Variants in KAZN observed in about 807,000 individuals in gnomAD.
KAZN encodes the protein kazrin.
A neutral mutation model predicts 87.4 loss-of-function variants in KAZN; 40 were observed. The observed-to-expected ratio is 0.46, with a 90% confidence interval of 0.36 to 0.60. The LOEUF is 0.60. KAZN is among the 20% of genes least tolerant of loss of function. The pLI is 0.00. For synonymous variants in KAZN, 466 were observed against 458.3 expected, an observed-to-expected ratio of 1.02 and a Z score of -0.22; for missense variants, 898 against 1,073.9, an observed-to-expected ratio of 0.84 and a Z score of 2.29.
intron 2 of KAZN, among the ~76,000 whole-genome samples, chr1:14,313,257 C>T (rs1655430070): frequency 6.6e-6 from 1 of 152,112 alleles, no homozygotes; most frequent in Non-Finnish European, 1.5e-5. Flanking sequence ...CTCTTGACAT[C>T]TAACATCATA....
In KAZN at chr1:14,502,156, C is replaced by T. The variant is rs572813528; in HGVS notation, c.250-96827C>T. On this transcript the variant is annotated intron_variant, in intron 2 of 16. Coordinates refer to the KAZN transcript ENST00000636203. ...ATAAAGCTGTTTTTTTTTTAATGTC[C>T]CCTGAGAGCCACTGCCAGGAATGCC... Among the ~76,000 whole-genome samples the T allele has an allele frequency of 9.1e-4, 138 of 151,588 alleles. No individual in the cohort carries two copies. The Middle Eastern group carries it at 0.014, about 15-fold the overall frequency.
intron 4 of KAZN, among the ~76,000 whole-genome samples, chr1:15,048,397 G>A (rs1489924956): frequency 6.6e-6 from 1 of 150,652 alleles, no homozygotes; most frequent in Non-Finnish European, 1.5e-5. Flanking sequence ...AACCACACTG[G>A]CCCCAAGGGA....
chr1:14,801,007 C>G (rs1295688723), intron 1 of KAZN, among the ~76,000 whole-genome samples: 5 of 148,710 alleles, frequency 3.4e-5, no homozygotes, highest in Non-Finnish European at 7.4e-5. Flanking sequence ...CTGAATTGTA[C>G]ACTTTAAAAG....
chr1:15,007,991 T>C (rs1669206754), intron 2 of KAZN, among the ~76,000 whole-genome samples: 3 of 152,156 alleles, frequency 2.0e-5, no homozygotes, highest in African/African-American at 7.2e-5. Context: ...CTGCGGAGTC[T>C]CTTGCCAAGT....
chr1:14,437,157 C>T (rs148679892), intron 2 of KAZN, among the ~76,000 whole-genome samples: 50 of 152,258 alleles, frequency 3.3e-4, no homozygotes, highest in African/African-American at 1.2e-3. Flanking sequence ...TGAGTCAGAG[C>T]CATGTGTCTC....
chr1:14,901,601 C>T (rs1270606840), intron 1 of KAZN, among the ~76,000 whole-genome samples: 1 of 152,054 alleles, frequency 6.6e-6, no homozygotes, highest in Non-Finnish European at 1.5e-5. Context: ...AATGGCAGCT[C>T]AGACGAGGGT....
intron 2 of KAZN, among the ~76,000 whole-genome samples, chr1:14,325,665 G>A (rs1656358554): frequency 6.6e-6 from 1 of 152,184 alleles, no homozygotes; most frequent in Non-Finnish European, 1.5e-5. Flanking sequence ...ACCACAGGAG[G>A]ATTTCAATAA....
chr1:14,344,188 ATT>A (rs1403241924), intron 2 of KAZN, among the ~76,000 whole-genome samples: 1 of 137,072 alleles, frequency 7.3e-6, no homozygotes, highest in Non-Finnish European at 1.6e-5. Flanking sequence ...TTTGACAAAT[ATT>A]TACTGAAGGA....
At chr1:14,039,628 G>A (rs1424105575) in intron 1 of KAZN, among the ~76,000 whole-genome samples, 4 of 152,226 alleles carry the variant, frequency 2.6e-5, no homozygotes, top group East Asian at 3.9e-4. Context: ...TATTTACACA[G>A]TATAGTTTAG....
chr1:13,903,357 C>G (rs998209170), intron 1 of KAZN, among the ~76,000 whole-genome samples: 3 of 152,194 alleles, frequency 2.0e-5, no homozygotes, highest in Admixed American at 6.5e-5. Context: ...GGACTTTCAT[C>G]TGAAAAGTAA....
At chr1:14,187,677 G>T (rs1321665649) in intron 2 of KAZN, among the ~76,000 whole-genome samples, 1 of 152,164 alleles carries the variant, frequency 6.6e-6, no homozygotes, top group African/African-American at 2.4e-5. Context: ...CATCCAGTAG[G>T]TAGAAGCCAA....
At chr1:13,973,211 C>T (rs1411939521) in intron 1 of KAZN, among the ~76,000 whole-genome samples, 2 of 152,182 alleles carry the variant, frequency 1.3e-5, no homozygotes, top group Non-Finnish European at 2.9e-5. Context: ...CATGTATCAT[C>T]TCATGTAAAC....
At chr1:14,135,792 C>T (rs552162857) in intron 1 of KAZN, among the ~76,000 whole-genome samples, 22 of 152,246 alleles carry the variant, frequency 1.4e-4, no homozygotes, top group Admixed American at 9.2e-4. Context: ...GCAGGTCTGT[C>T]GCTCAAGTTT....
At chr1:14,721,090 A>G (rs1353192060) in intron 1 of KAZN, among the ~76,000 whole-genome samples, 1 of 152,176 alleles carries the variant, frequency 6.6e-6, no homozygotes, top group Admixed American at 6.5e-5. Context: ...GGTGGTATTG[A>G]TGCTGCCTCT....
At chr1:14,271,921 A>C (rs1044418295) in intron 2 of KAZN, among the ~76,000 whole-genome samples, 1 of 152,238 alleles carries the variant, frequency 6.6e-6, no homozygotes, top group African/African-American at 2.4e-5. Flanking sequence ...GTGAAGGCAC[A>C]TCCCAAAATA....
intron 10 of KAZN, among the ~76,000 whole-genome samples, chr1:15,100,689 G>A (rs539445597): frequency 6.6e-6 from 1 of 152,340 alleles, no homozygotes; most frequent in African/African-American, 2.4e-5. Context: ...AGACCTGGCA[G>A]TGCAGTGGTA....
chr1:14,816,764 A>T (rs769658105), intron 1 of KAZN, among the ~76,000 whole-genome samples: 13 of 152,238 alleles, frequency 8.5e-5, no homozygotes, highest in African/African-American at 1.9e-4. Context: ...TAGAATGAAT[A>T]AATACATACA....
chr1:15,092,170 G>C (rs1447294932), intron 8 of KAZN, among the ~76,000 whole-genome samples: 2 of 143,744 alleles, frequency 1.4e-5, no homozygotes, highest in Non-Finnish European at 3.0e-5. Flanking sequence ...TCCGCCTCCT[G>C]GGTTCAAGCG....
intron 14 of KAZN, chr1:15,113,639 T>G (rs1315151033): frequency 2.0e-5 from 3 of 152,082 alleles, no homozygotes; most frequent in Admixed American, 2.0e-4. Context: ...TGCAAGCACT[T>G]GCTATGTGCT....
Sources: allele counts gnomAD v4.1 joint callset (sites outside exome capture counted in the v4.1 genomes callset), GRCh38; gene constraint gnomAD v4.1.1; transcripts MANE v1.5; gene names NCBI Gene and HGNC (gene_info 2026-07-23, HGNC 2026-07-21).